UNC79: variants seen among roughly 807,000 people sequenced by gnomAD.
UNC79 encodes unc-79 subunit of NALCN channel complex, also known as protein unc-79 homolog.
In UNC79, 37 loss-of-function variants were observed where a neutral mutation model predicts 283.1. The observed-to-expected ratio is 0.13, with a 90% CI of 0.10 to 0.17. UNC79 has a LOEUF of 0.17. Ranked by LOEUF, UNC79 falls within the 10% of genes least tolerant of loss-of-function variation. The pLI, the probability that UNC79 is intolerant of heterozygous loss-of-function variation, is 1.00. For synonymous variants in UNC79, 1,107 were observed against 1,200.2 expected (o/e 0.92, Z 1.61); for missense variants, 2,272 against 3,211.1 (o/e 0.71, Z 7.07).
At chr14:93,503,277 A>G (rs1161316527) in intron 7 of UNC79, among the ~76,000 whole-genome samples, 1 of 152,154 alleles carries the variant, frequency 6.6e-6, no homozygotes, top group East Asian at 1.9e-4. Context: ...AAATGAATGT[A>G]CCATAGTTTA....
chr14:93,616,956 T>C (rs1403102012), intron 27 of UNC79, among the ~76,000 whole-genome samples, 166 bp from the exon 29 acceptor site: 1 of 152,238 alleles, frequency 6.6e-6, no homozygotes, highest in African/African-American at 2.4e-5. Context: ...GTTGGACTTT[T>C]CCTCCTTCTT....
intron 5 of UNC79, among the ~76,000 whole-genome samples, chr14:93,492,240 A>G (rs1329256383): frequency 6.6e-6 from 1 of 152,266 alleles, no homozygotes; most frequent in African/African-American, 2.4e-5. Context: ...TAGGAGTACT[A>G]AATAAATATA....
intron 23 of UNC79, among the ~76,000 whole-genome samples, chr14:93,595,762 G>A (rs963388046): frequency 6.6e-6 from 1 of 152,078 alleles, no homozygotes; most frequent in Admixed American, 6.5e-5. Flanking sequence ...CACACTAGAG[G>A]CATTTACAGC....
chr14:93,541,499 A>G (rs569140842), intron 13 of UNC79, among the ~76,000 whole-genome samples: 1 of 152,336 alleles, frequency 6.6e-6, no homozygotes, highest in South Asian at 2.1e-4. Context: ...GCTTGCATAT[A>G]GTTCCGTGAA....
intron 7 of UNC79, among the ~76,000 whole-genome samples, chr14:93,500,075 G>T (rs1207850299): frequency 6.6e-6 from 1 of 152,104 alleles, no homozygotes; most frequent in Non-Finnish European, 1.5e-5. Context: ...GGGACGCCAG[G>T]CACAGGCTTT....
chr14:93,572,562 A>G, intron 15 of UNC79, 131 bp from the exon 16 acceptor site: 1 of 1,299,908 alleles, frequency 7.7e-7, no homozygotes, highest in South Asian at 1.5e-5. Flanking sequence ...TATGCTGATA[A>G]CAGTTCAGAA....
chr14:93,631,001 A>G (rs2067988366), intron 31 of UNC79, 93 bp downstream of exon 33: 16 of 1,168,454 alleles, frequency 1.4e-5, no homozygotes, highest in Non-Finnish European at 1.9e-5. Flanking sequence ...TTGGTATTGT[A>G]TATATATTTT....
chr14:93,627,127 C>G lies in UNC79; in HGVS notation c.5609-3674C>G, dbSNP rs190065582. On this transcript the variant is annotated intron_variant, in intron 30 of 48. Coordinates refer to ENST00000555664, the Ensembl canonical transcript of UNC79. ...ACCCAAAGAGCAGTTGTCAAGGTCACCAGTGTCCTTCACTGCTAAATCTGT... is the reference window on the plus strand; with the variant it reads ...ACCCAAAGAGCAGTTGTCAAGGTCAGCAGTGTCCTTCACTGCTAAATCTGT... 3.3e-5 allele frequency among the ~76,000 whole-genome samples: 5 copies of G among 152,310 alleles called. No homozygotes were observed. In the East Asian group the frequency reaches 9.6e-4, roughly 29 times the overall value.
At chr14:93,449,090 G>A (rs918838539) in intron 1 of UNC79, among the ~76,000 whole-genome samples, 1 of 152,210 alleles carries the variant, frequency 6.6e-6, no homozygotes, top group Non-Finnish European at 1.5e-5. Context: ...GCTATAAGCA[G>A]TCTGTCCCCA....
At chr14:93,347,388 T>G (rs757898633) in intron 1 of UNC79, 2 of 1,535,628 alleles carry the variant, frequency 1.3e-6, no homozygotes, top group Non-Finnish European at 1.7e-6. Context: ...GGCCCCTGTC[T>G]GCCGCGGTGA....
At chr14:93,469,349 G>A (rs1330026222) in intron 2 of UNC79, among the ~76,000 whole-genome samples, 4 of 152,232 alleles carry the variant, frequency 2.6e-5, no homozygotes, top group South Asian at 2.1e-4. Context: ...ATTTTCAAAC[G>A]GAGGCAACAT....
chr14:93,442,788 A>G (rs2056343477), intron 1 of UNC79, among the ~76,000 whole-genome samples: 1 of 152,244 alleles, frequency 6.6e-6, no homozygotes, highest in African/African-American at 2.4e-5. Flanking sequence ...ACCACAATAA[A>G]GATAAAGACC....
At chr14:93,433,314 G>C (rs1413024935) in intron 1 of UNC79, among the ~76,000 whole-genome samples, 2 of 152,092 alleles carry the variant, frequency 1.3e-5, no homozygotes, top group Non-Finnish European at 2.9e-5. Flanking sequence ...TTAGAATGAA[G>C]GTAATTAAGG....
At chr14:93,402,000 G>A (rs2055117400) in intron 1 of UNC79, among the ~76,000 whole-genome samples, 1 of 152,080 alleles carries the variant, frequency 6.6e-6, no homozygotes, top group South Asian at 2.1e-4. Flanking sequence ...AGCATAGGCC[G>A]GGTATGGTGG....
chr14:93,494,466 G>A (rs1163050580), intron 5 of UNC79, among the ~76,000 whole-genome samples: 1 of 152,202 alleles, frequency 6.6e-6, no homozygotes, highest in Non-Finnish European at 1.5e-5. Context: ...TGTTTCAGAC[G>A]TGTTGTGTTC....
At chr14:93,541,144 G>C (rs891647574) in intron 13 of UNC79, among the ~76,000 whole-genome samples, 1 of 152,110 alleles carries the variant, frequency 6.6e-6, no homozygotes, top group Non-Finnish European at 1.5e-5. Flanking sequence ...GGTACAAGTC[G>C]GGAAGTTGCT....
intron 1 of UNC79, among the ~76,000 whole-genome samples, chr14:93,373,565 A>G (rs2054497978): frequency 6.6e-6 from 1 of 152,218 alleles, no homozygotes. Flanking sequence ...AAAGAACTAG[A>G]TAATCTGAAT....
At chr14:93,664,559 C>T (rs2071957730) in intron 40 of UNC79, among the ~76,000 whole-genome samples, 1 of 152,004 alleles carries the variant, frequency 6.6e-6, no homozygotes, top group African/African-American at 2.4e-5. Context: ...AGGTCAGAAC[C>T]CTTGAAAGCC....
chr14:93,336,842 C>T (rs1317500893), intron 1 of UNC79, among the ~76,000 whole-genome samples: 2 of 152,170 alleles, frequency 1.3e-5, no homozygotes, highest in East Asian at 1.9e-4. Flanking sequence ...GGATGTTTGT[C>T]CCCTCCAAAT....
Sources: allele counts gnomAD v4.1 joint callset (sites outside exome capture counted in the v4.1 genomes callset), GRCh38; gene constraint gnomAD v4.1.1; transcripts MANE v1.5; gene names NCBI Gene and HGNC (gene_info 2026-07-23, HGNC 2026-07-21).